Variants in HELZ2 observed in about 807,000 individuals in gnomAD.
HELZ2 encodes helicase with zinc finger 2.
HELZ2 carries 143 observed loss-of-function variants against 208.8 expected under a neutral mutation model. The observed-to-expected ratio is 0.68, with a 90% CI of 0.60 to 0.79. The LOEUF (loss-of-function observed/expected upper bound fraction) is 0.79, where lower values mean the gene tolerates loss of function less well. Ranked by LOEUF, HELZ2 falls within the 30% of genes least tolerant of loss-of-function variation. The probability of loss-of-function intolerance (pLI) is 0.00; values close to 1 mark genes in which losing one functional copy is unlikely to be tolerated. For missense variants in HELZ2, 3,690 were observed against 3,794.5 expected (o/e 0.97, Z 0.72); for synonymous variants, 1,705 against 1,693.7 (o/e 1.01, Z -0.16).
At chr20:63,566,883 G>C (rs415304) in exon 6 of HELZ2, 1 of 1,606,220 alleles carries the variant, frequency 6.2e-7, no homozygotes, top group South Asian at 1.1e-5. Flanking sequence ...ACCTCTGCTC[G>C]CGGCCGCCCC....
exon 4 of HELZ2, chr20:63,569,374 G>C: frequency 6.2e-7 from 1 of 1,608,630 alleles, no homozygotes; most frequent in Non-Finnish European, 8.5e-7. Flanking sequence ...ATCTCCTCAG[G>C]GTGGCCGAGC....
chr20:63,568,509 C>T (rs143335677), exon 5 of HELZ2: 17 of 1,584,030 alleles, frequency 1.1e-5, no homozygotes, highest in African/African-American at 6.7e-5. Flanking sequence ...CCCCAGCCCG[C>T]GATGAGCGCC....
exon 8 of HELZ2, chr20:63,563,900 G>A (rs756516613): frequency 6.3e-7 from 1 of 1,597,094 alleles, no homozygotes; most frequent in Non-Finnish European, 8.5e-7. Context: ...GCGCTCCAGG[G>A]CCTTGCGGAG....
chr20:63,569,038 T>C (rs778825472), intron 4 of HELZ2, 39 bp from the exon 6 acceptor site: 10 of 1,596,176 alleles, frequency 6.3e-6, no homozygotes, highest in Non-Finnish European at 8.5e-6. Flanking sequence ...GGGCCACAGC[T>C]GCCAGCCCCG....
At chr20:63,569,463 C>A in exon 4 of HELZ2, 1 of 1,610,088 alleles carries the variant, frequency 6.2e-7, no homozygotes, top group Non-Finnish European at 8.5e-7. Context: ...CGGCCGGCGG[C>A]CAAAGTCGAA....
chr20:63,559,268 C>T (rs2082849905), exon 19 of HELZ2: 15 of 1,578,318 alleles, frequency 9.5e-6, no homozygotes, highest in Non-Finnish European at 1.2e-5. Context: ...AGTTGGCCTC[C>T]TGCAGACGCG....
chr20:63,563,820 AC>A lies in HELZ2; in HGVS notation c.5001del (p.Trp1667CysfsTer303). 6.2e-7 allele frequency: 1 copy of A among 1,600,028 alleles called. No individual in the cohort carries two copies. The highest frequency in any genetic ancestry group is 1.3e-5 in the African/African-American group (1 of 74,792). ...CGGATGGGCGAGGTGGCCCACGTGT[AC>A]CAGTCCACCTGCAGCGAGTAGTGGC... is the stretch of plus-strand genomic sequence containing the variant. On this transcript the variant is annotated frameshift_variant, in exon 8 of 19. Coordinates refer to ENST00000467148, the Ensembl canonical transcript of HELZ2. LOFTEE classifies it high-confidence loss of function.
chr20:63,563,593 G>A lies in HELZ2; in HGVS notation c.5229C>T (p.Phe1743=), dbSNP rs761712528. 5.6e-5 allele frequency: 86 copies of A among 1,532,206 alleles called. 2 individuals carry two copies. The highest frequency in any genetic ancestry group is 4.5e-4 in the South Asian group (38 of 84,374). The allele number at this position is 1,532,206 out of a possible 1,614,324, so 94.9% of individuals were successfully genotyped here. ...GGGAGCCCGCCTCCACGTCCACCACGAAGCCCAGCTTGTCCAGAGGCTGGG... is the reference window on the plus strand; with the variant it reads ...GGGAGCCCGCCTCCACGTCCACCACAAAGCCCAGCTTGTCCAGAGGCTGGG... Residue 1743 remains phenylalanine (F), a synonymous_variant, in exon 8 of 19, where the codon TTC becomes TTT. Coordinates refer to ENST00000467148, the Ensembl canonical transcript of HELZ2.
rs755227497 is a variant in HELZ2, at chr20:63,563,533, C to T, written c.5289G>A (p.Glu1763=). 6 of 1,512,356 alleles carry T rather than the reference C, an allele frequency of 4.0e-6. No homozygotes were observed. In the South Asian group the frequency reaches 7.5e-5, roughly 19 times the overall value. The allele number at this position is 1,512,356 out of a possible 1,614,324, so 93.7% of individuals were successfully genotyped here. ...GGACGGGGCAGGGGTCAGGCAGCGT[C>T]TCCCGGTTGCTGGGGAAGAGCAGCC... is the stretch of plus-strand genomic sequence containing the variant. The change falls in exon 8 of 19, where the codon GAG becomes GAA. Residue 1763 remains glutamate, a synonymous_variant. Coordinates refer to ENST00000467148, the Ensembl canonical transcript of HELZ2.
exon 6 of HELZ2, chr20:63,567,512 C>T: frequency 1.3e-6 from 2 of 1,560,082 alleles, no homozygotes; most frequent in East Asian, 4.8e-5. Context: ...TGCAGCGTGA[C>T]TGGGTCCGTC....
At chr20:63,572,314 A>T in exon 1 of HELZ2, 1 of 1,587,256 alleles carries the variant, frequency 6.3e-7, no homozygotes, top group Non-Finnish European at 8.5e-7. Context: ...GCCCGTCGCC[A>T]TCAGGGGCAG....
At chr20:63,567,708 C>T (rs893759322) in intron 5 of HELZ2, 81 bp from the exon 7 acceptor site, 21 of 1,502,120 alleles carry the variant, frequency 1.4e-5, no homozygotes, top group African/African-American at 4.1e-5. Context: ...TGTGCCCAGC[C>T]GAGCTGCCCC....
At chr20:63,559,491 G>C (rs2146003466) in intron 18 of HELZ2, 121 bp from the exon 20 acceptor site, 1 of 477,794 alleles carries the variant, frequency 2.1e-6, no homozygotes, top group Non-Finnish European at 3.5e-6. Flanking sequence ...GTCAGGGTCA[G>C]GTGGGAGGAG....
exon 5 of HELZ2, chr20:63,568,580 A>G: frequency 6.3e-7 from 1 of 1,592,060 alleles, no homozygotes. Flanking sequence ...AGGTCTGGGC[A>G]GGGCGCAGGT....
chr20:63,564,243 C>T (rs1445588410), exon 8 of HELZ2: 1 of 1,611,990 alleles, frequency 6.2e-7, no homozygotes, highest in East Asian at 2.2e-5. Context: ...ATCATGTACT[C>T]CTTCACCATG....
chr20:63,570,647 A>ACGCCC, intron 2 of HELZ2, 36 bp from the exon 4 acceptor site: 8 of 1,497,366 alleles, frequency 5.3e-6, no homozygotes, highest in East Asian at 2.3e-5. Context: ...AGAGGCCTGG[A>ACGCCC]CCCCACCCCA....
chr20:63,572,520 G>C (rs1169208461), upstream of HELZ2: 1 of 959,894 alleles, frequency 1.0e-6, no homozygotes, highest in Non-Finnish European at 1.5e-6. Flanking sequence ...TGTTGCTTGC[G>C]GCGGCCCTCG....
chr20:63,572,355 C>A (rs201708296), exon 1 of HELZ2: 2 of 1,561,914 alleles, frequency 1.3e-6, no homozygotes, highest in African/African-American at 2.7e-5. Flanking sequence ...CGCTGGAGGC[C>A]ACCCAGCTGC....
rs748204612 is a variant in HELZ2, at chr20:63,563,537, C to T, written c.5285G>A (p.Arg1762Gln). Residue 1762 changes from arginine (R) to glutamine (Q), a missense_variant, in exon 8 of 19, where the codon CGG becomes CAG. Physicochemically the swap from Arg to Gln is conservative, Grantham distance 43. Transcript: ENST00000467148. ...GGGGCAGGGGTCAGGCAGCGTCTCC[C>T]GGTTGCTGGGGAAGAGCAGCCGGAA... is the stretch of plus-strand genomic sequence containing the variant. 16 of 1,513,440 alleles carry T rather than the reference C, an allele frequency of 1.1e-5. No individual in the cohort carries two copies. The highest frequency in any genetic ancestry group is 2.0e-5 in the Admixed American group (1 of 49,938). 93.8% of individuals were successfully genotyped at this position (1,513,440 alleles called of 1,614,324 possible). A position where few individuals can be genotyped will look rare whatever the true frequency, so the allele number is the denominator to read the frequency against.
Sources: gnomAD v4.1 joint callset for allele counts on GRCh38, gnomAD v4.1.1 for gene constraint, MANE v1.5 for transcripts, NCBI Gene and HGNC (gene_info 2026-07-23, HGNC 2026-07-21) for gene names.